The following PLEKHA7 variants were observed in gnomAD, a reference collection of about 807,000 sequenced individuals.
The protein encoded by PLEKHA7 is pleckstrin homology domain-containing family A member 7.
PLEKHA7 carries 104 observed loss-of-function variants against 170.0 expected under a neutral mutation model. The ratio of observed to expected loss-of-function variants is 0.61; its 90% CI spans 0.52 to 0.72. The LOEUF is 0.72. PLEKHA7 is among the 30% of genes least tolerant of loss of function. The pLI, the probability that PLEKHA7 is intolerant of heterozygous loss-of-function variation, is 0.00. For missense variants in PLEKHA7, 1,615 were observed against 1,671.7 expected, an observed-to-expected ratio of 0.97 and a Z score of 0.59; for synonymous variants, 648 against 660.8, an observed-to-expected ratio of 0.98 and a Z score of 0.30.
intron 3 of PLEKHA7, among the ~76,000 whole-genome samples, chr11:16,935,250 T>C (rs1053665847): frequency 6.6e-6 from 1 of 152,148 alleles, no homozygotes; most frequent in African/African-American, 2.4e-5. Context: ...GCCTAGCCAA[T>C]ATGGTGACAC....
chr11:16,950,051 G>C (rs1278692377), intron 3 of PLEKHA7, among the ~76,000 whole-genome samples: 1 of 141,516 alleles, frequency 7.1e-6, no homozygotes, highest in African/African-American at 2.6e-5. Flanking sequence ...ATGGTTAAGG[G>C]GGGAGTGAAG....
chr11:16,849,243 C>T (rs897608401), intron 8 of PLEKHA7, among the ~76,000 whole-genome samples: 4 of 152,126 alleles, frequency 2.6e-5, no homozygotes, highest in African/African-American at 9.7e-5. Flanking sequence ...AAGATGTTTG[C>T]CTAGAATCTA....
At chr11:16,959,750 C>A (rs1416475923) in intron 3 of PLEKHA7, among the ~76,000 whole-genome samples, 1 of 152,190 alleles carries the variant, frequency 6.6e-6, no homozygotes, top group East Asian at 1.9e-4. Context: ...TTAATTAACG[C>A]CCCTGAGAAT....
chr11:16,791,658 G>A lies in PLEKHA7; in HGVS notation c.2746-459C>T. On this transcript the variant is annotated intron_variant, in intron 19 of 26. Transcript: ENST00000531066. This position sits in a 1 kb window ranked among gnomAD's most constrained non-coding sequence, Gnocchi z 4.5. ...GCTCATTGGCCCTACACGAGCTCTG[G>A]CGCCTTCAGCAAGGTGGGGACCTGA... The A allele has an allele frequency of 2.2e-6, 1 of 459,488 alleles. No individual in the cohort carries two copies. Among genetic ancestry groups the A allele is most frequent in the African/African-American group, 2.0e-5 (1 of 50,302 alleles). The allele number at this position is 459,488 out of a possible 1,614,324, so 28.5% of individuals were successfully genotyped here. A position where few individuals can be genotyped will look rare whatever the true frequency, so the allele number is the denominator to read the frequency against.
rs202166214 is a variant in PLEKHA7, at chr11:16,801,052, T to C, written c.2331A>G (p.Glu777=). ...ESTEMENAWN[E]YLKLENDVEQ... ...CCACATCATTCTCCAACTTCAGGTA[T>C]TCGTTCCAAGCATTTTCCATCTCCT... is the stretch of plus-strand genomic sequence containing the variant. The change falls in exon 17 of 27, where the codon GAA becomes GAG. Residue 777 remains glutamate, a synonymous_variant. Transcript: ENST00000531066. 1.5e-4 allele frequency: 250 copies of C among 1,614,252 alleles called. No individual in the cohort carries two copies. The highest frequency in any genetic ancestry group is 1.9e-4 in the Non-Finnish European group (225 of 1,180,044).
At chr11:16,953,456 T>C (rs1590706773) in intron 3 of PLEKHA7, among the ~76,000 whole-genome samples, 1 of 152,178 alleles carries the variant, frequency 6.6e-6, no homozygotes. Flanking sequence ...ATAAGAACAA[T>C]TTTGTACACT....
intron 4 of PLEKHA7, among the ~76,000 whole-genome samples, chr11:16,862,925 C>T (rs1854085291): frequency 2.0e-5 from 3 of 150,300 alleles, no homozygotes; most frequent in African/African-American, 2.4e-5. Context: ...AGACTGCCAG[C>T]ATCTAGAGAC....
chr11:16,950,555 G>C (rs1377503513), intron 3 of PLEKHA7, among the ~76,000 whole-genome samples: 3 of 148,284 alleles, frequency 2.0e-5, no homozygotes, highest in Non-Finnish European at 3.0e-5. Flanking sequence ...ATAGAGTCCT[G>C]ACTCCTAAGC....
intron 17 of PLEKHA7, among the ~76,000 whole-genome samples, chr11:16,799,450 T>C (rs1239536969): frequency 6.6e-6 from 1 of 152,218 alleles, no homozygotes; most frequent in East Asian, 1.9e-4. Context: ...TTTATATCAT[T>C]TTTTGTTTTT....
chr11:16,838,722 T>G (rs1851723832), intron 9 of PLEKHA7, among the ~76,000 whole-genome samples: 1 of 124,264 alleles, frequency 8.0e-6, no homozygotes. Flanking sequence ...TTTGAGACAG[T>G]CTCGCTCTGT....
rs141344719 is a variant in PLEKHA7 at position 16,782,102 on chromosome 11, CACACACAG to C, written c.3793+644_3793+651del. On this transcript the variant is annotated intron_variant, in intron 26 of 26. Coordinates refer to ENST00000531066, the MANE Select transcript of PLEKHA7 (RefSeq NM_001329630.2). The stretch of plus-strand genomic sequence containing the variant: ...ACACACACACATACACACAGTCACA[CACACACAG>C]ACACACAGACACACATACACACACA... Among the ~76,000 whole-genome samples the C allele has an allele frequency of 1.5e-3, 225 of 152,092 alleles. 1 individual carries two copies. The East Asian group carries it at 0.029, about 20-fold the overall frequency.
intron 9 of PLEKHA7, among the ~76,000 whole-genome samples, 179 bp downstream of exon 9, chr11:16,841,368 C>T (rs1199784353): frequency 2.6e-5 from 4 of 152,106 alleles, no homozygotes; most frequent in African/African-American, 9.7e-5. Context: ...CTGTGGATCC[C>T]AGGGAGTCAT....
At chr11:16,783,863 A>G (rs1442421557) in intron 24 of PLEKHA7, 30 bp from the exon 25 acceptor site, 6 of 1,414,002 alleles carry the variant, frequency 4.2e-6, no homozygotes, top group Admixed American at 2.8e-5. Context: ...TGGCAGAGGG[A>G]GAGGCTCAGA....
At chr11:16,833,270 G>A (rs545980895) in intron 9 of PLEKHA7, among the ~76,000 whole-genome samples, 9 of 152,048 alleles carry the variant, frequency 5.9e-5, no homozygotes, top group Admixed American at 2.0e-4. Context: ...CAGAATAAAC[G>A]AAACAAACCA....
At chr11:16,824,752 G>A (rs1013308135) in intron 10 of PLEKHA7, among the ~76,000 whole-genome samples, 1 of 151,982 alleles carries the variant, frequency 6.6e-6, no homozygotes, top group Non-Finnish European at 1.5e-5. Flanking sequence ...AAACCTTCCC[G>A]TGGTTCCCTA....
Position 16,848,451 on chromosome 11 carries a change from T to C in PLEKHA7, c.696+2740A>G, listed in dbSNP as rs570023941. Among the ~76,000 whole-genome samples the C allele has an allele frequency of 1.7e-3, 266 of 152,376 alleles. 2 individuals are homozygous for C. The highest frequency in any genetic ancestry group is 9.8e-4 in the Non-Finnish European group (67 of 68,038). On this transcript the variant is annotated intron_variant, in intron 8 of 26. Coordinates refer to ENST00000531066, the MANE Select transcript of PLEKHA7 (RefSeq NM_001329630.2). ...CAGTTCGATAAATCCTATGAACCTT[T>C]TCCAGAATGTTAAGCATGCAAAATA...
At position 16,789,224 on chromosome 11, in the gene PLEKHA7, G is replaced by A; in HGVS notation, c.3229C>T (p.Leu1077=). 1 of 1,613,688 alleles carries A rather than the reference G, an allele frequency of 6.2e-7. No individual in the cohort carries two copies. Among genetic ancestry groups the A allele is most frequent in the Non-Finnish European group, 8.5e-7 (1 of 1,180,044 alleles). The change falls in exon 23 of 27, where the codon CTG becomes TTG. Residue 1077 remains leucine, a synonymous_variant. Transcript: ENST00000531066. The surrounding 1 kb of genome is among the most constrained non-coding windows in gnomAD (Gnocchi z 4.6). The part of the protein sequence containing the change: ...QRGKMSAEEQ[L]ERMKRHQKAL... ...TTCTGGTGTCGCTTCATGCGCTCCAGCTGCTCCTCTGCACTCATCTTGCCT... is the reference window on the plus strand; with the variant it reads ...TTCTGGTGTCGCTTCATGCGCTCCAACTGCTCCTCTGCACTCATCTTGCCT...
At chr11:16,868,094 A>G (rs1854535330) in intron 4 of PLEKHA7, among the ~76,000 whole-genome samples, 2 of 152,154 alleles carry the variant, frequency 1.3e-5, no homozygotes, top group Admixed American at 1.3e-4. Flanking sequence ...CTAGACAGAT[A>G]TCAGTTTAAA....
intron 15 of PLEKHA7, among the ~76,000 whole-genome samples, chr11:16,802,334 G>T (rs2134404138): frequency 6.6e-6 from 1 of 152,274 alleles, no homozygotes; most frequent in East Asian, 1.9e-4. Flanking sequence ...GGAAGCAAAG[G>T]CCTCTGCCCT....
Sources: gnomAD v4.1 joint callset for allele counts (sites outside exome capture counted in the v4.1 genomes callset) on GRCh38, gnomAD v4.1.1 for gene constraint, Gnocchi (gnomAD v3.1) non-coding constraint, MANE v1.5 for transcripts, NCBI Gene and HGNC (gene_info 2026-07-23, HGNC 2026-07-21) for gene names.